Variants in TRPM5 observed in about 807,000 individuals in gnomAD.
TRPM5 encodes MLSN1 and TRP-related.
A neutral mutation model predicts 124.9 loss-of-function variants in TRPM5; 121 were observed. That is an observed-to-expected ratio of 0.97 (90% CI 0.84 to 1.13). The LOEUF is 1.13. TRPM5 is among the 50% of genes most tolerant of loss of function. The probability of loss-of-function intolerance (pLI) is 0.00; values close to 1 mark genes in which losing one functional copy is unlikely to be tolerated. For synonymous variants in TRPM5, 781 were observed against 700.5 expected (o/e 1.11, Z -1.81); for missense variants, 1,643 against 1,589.1 (o/e 1.03, Z -0.58).
At chr11:2,441,011 T>C in the TRPM5 span, among the ~76,000 whole-genome samples, 1 of 152,308 alleles carries the variant, frequency 6.6e-6, no homozygotes, top group African/African-American at 2.4e-5. The surrounding 1 kb of genome is among the most constrained non-coding windows in gnomAD (Gnocchi z 7.2). Context: ...AGCTGAGGGA[T>C]GTCGGCAAAC....
At chr11:2,416,795 G>A (rs1845693639) in intron 7 of TRPM5, among the ~76,000 whole-genome samples, 1 of 152,154 alleles carries the variant, frequency 6.6e-6, no homozygotes, top group African/African-American at 2.4e-5. Context: ...CCTTCAGCAC[G>A]CGTTCGTCTC....
exon 24 of TRPM5, chr11:2,404,883 G>C: frequency 6.7e-7 from 1 of 1,494,498 alleles, no homozygotes; most frequent in Non-Finnish European, 9.3e-7. Context: ...AGTGCACAAC[G>C]TGCAGGGTGG....
At chr11:2,428,905 GTTGGTA>G in the TRPM5 span, among the ~76,000 whole-genome samples, 64 of 149,518 alleles carry the variant, frequency 4.3e-4, 1 homozygote, top group Non-Finnish European at 1.3e-4. The surrounding 1 kb of genome is among the most constrained non-coding windows in gnomAD (Gnocchi z 4.0). Context: ...TGGTGTTGGT[GTTGGTA>G]TTGGTGTTGG....
exon 6 of TRPM5, chr11:2,418,236 C>T: frequency 6.3e-7 from 1 of 1,586,882 alleles, no homozygotes; most frequent in Non-Finnish European, 8.6e-7. Context: ...TAAACTGCTT[C>T]TCGGCCACCT....
At chr11:2,408,825 G>A (rs182173079) in intron 18 of TRPM5, among the ~76,000 whole-genome samples, 16 of 152,310 alleles carry the variant, frequency 1.1e-4, no homozygotes, top group Admixed American at 9.8e-4. Flanking sequence ...ATCCGAATGG[G>A]AGCTCCGCTC....
chr11:2,414,017 A>AGCC, intron 12 of TRPM5, 44 bp downstream of exon 17: 1 of 357,902 alleles, frequency 2.8e-6, no homozygotes, highest in Non-Finnish European at 5.0e-6. Flanking sequence ...TCGCCCGCCC[A>AGCC]CCCCACCCCC....
exon 13 of TRPM5, chr11:2,413,542 G>A: frequency 6.2e-7 from 1 of 1,612,552 alleles, no homozygotes; most frequent in Admixed American, 1.7e-5. Flanking sequence ...CCGCAGGATG[G>A]GCGTGCCTGC....
the TRPM5 span, among the ~76,000 whole-genome samples, chr11:2,431,264 C>A: frequency 9.9e-5 from 15 of 152,034 alleles, no homozygotes; most frequent in Non-Finnish European, 2.2e-4. Context: ...GCCTGAGACC[C>A]TAAAATCCTA....
rs564472985 is a variant in TRPM5 at position 2,413,453 on chromosome 11, G to C, written c.2003+23C>G. On this transcript the variant is annotated intron_variant, in intron 13 of 23. Transcript: ENST00000155858. ...CTCGCACTGCTGCCTGTCCTGGCCG[G>C]GCAGCTCACAGGCCTCACCCACCTG... is the stretch of plus-strand genomic sequence containing the variant. The C allele has an allele frequency of 2.7e-4, 437 of 1,589,768 alleles. 1 individual carries two copies. The Middle Eastern group carries it at 3.2e-3, about 12-fold the overall frequency.
intron 15 of TRPM5, among the ~76,000 whole-genome samples, 156 bp downstream of exon 20, chr11:2,412,598 A>T (rs919864548): frequency 6.6e-6 from 1 of 152,256 alleles, no homozygotes; most frequent in Non-Finnish European, 1.5e-5. Context: ...GTCTTTGACC[A>T]GGATCATGGC....
chr11:2,405,945 C>T, intron 22 of TRPM5, 74 bp downstream of exon 27: 2 of 1,338,166 alleles, frequency 1.5e-6, no homozygotes, highest in Non-Finnish European at 2.1e-6. Flanking sequence ...CCGGGCAGGG[C>T]TGTGGACCCA....
intron 18 of TRPM5, among the ~76,000 whole-genome samples, chr11:2,410,309 A>G (rs560600685): frequency 6.6e-6 from 1 of 152,178 alleles, no homozygotes; most frequent in East Asian, 1.9e-4. Flanking sequence ...TCATCCCCTC[A>G]ACAAATATTT....
At chr11:2,414,860 G>A (rs1340445586) in intron 10 of TRPM5, 22 bp from the exon 16 acceptor site, 6 of 1,589,850 alleles carry the variant, frequency 3.8e-6, no homozygotes, top group South Asian at 1.1e-5. Flanking sequence ...GGTCTCAGGA[G>A]GCCGCCCCTC....
intron 18 of TRPM5, among the ~76,000 whole-genome samples, chr11:2,409,317 G>T (rs1329487087): frequency 6.6e-6 from 1 of 152,150 alleles, no homozygotes; most frequent in Non-Finnish European, 1.5e-5. Flanking sequence ...GGAGCGGGCC[G>T]GGGCCAGCCT....
chr11:2,410,731 G>C (rs556859230), intron 18 of TRPM5: 1 of 454,936 alleles, frequency 2.2e-6, no homozygotes, highest in Admixed American at 2.4e-5. Context: ...CAGCTACAGG[G>C]GTCGGCCTGG....
At chr11:2,428,093 G>A in the TRPM5 span, among the ~76,000 whole-genome samples, 7 of 152,096 alleles carry the variant, frequency 4.6e-5, 1 homozygote, top group African/African-American at 9.6e-5. The surrounding 1 kb of genome is among the most constrained non-coding windows in gnomAD (Gnocchi z 4.0). Flanking sequence ...CTGGAATCCC[G>A]CAGTCCTGGG....
chr11:2,415,307 C>A, exon 9 of TRPM5: 1 of 1,582,330 alleles, frequency 6.3e-7, no homozygotes. Context: ...TCCGCTGCAG[C>A]AGGTCGAAGA....
At chr11:2,406,130 G>C (rs751376002) in intron 21 of TRPM5, 39 bp from the exon 27 acceptor site, 2 of 1,605,672 alleles carry the variant, frequency 1.2e-6, no homozygotes, top group African/African-American at 2.7e-5. Flanking sequence ...GGATGGCCAC[G>C]CGGTGCTCTG....
chr11:2,436,592 C>A, the TRPM5 span, among the ~76,000 whole-genome samples: 2 of 152,050 alleles, frequency 1.3e-5, no homozygotes, highest in Non-Finnish European at 2.9e-5. Flanking sequence ...AGGCCTCAGA[C>A]CTTTAGATTG....
Sources: gnomAD v4.1 joint callset for allele counts (sites outside exome capture counted in the v4.1 genomes callset) on GRCh38, gnomAD v4.1.1 for gene constraint, Gnocchi (gnomAD v3.1) non-coding constraint, MANE v1.5 for transcripts, NCBI Gene and HGNC (gene_info 2026-07-23, HGNC 2026-07-21) for gene names.